The following SEPTIN9 variants were observed in gnomAD, a reference collection of about 807,000 sequenced individuals.
SEPTIN9 encodes the protein septin-9.
Under a neutral mutation model 56.6 loss-of-function variants are expected in SEPTIN9, and 13 were observed. The observed-to-expected ratio is 0.23, with a 90% CI of 0.15 to 0.37. The LOEUF is 0.37. SEPTIN9 is among the 10% of genes least tolerant of loss of function. SEPTIN9 has a pLI of 1.00. For missense variants in SEPTIN9, 650 were observed against 823.1 expected (o/e 0.79, Z 2.57); for synonymous variants, 332 against 334.1 (o/e 0.99, Z 0.07).
At chr17:77,363,820 G>A (rs1294486613) in intron 2 of SEPTIN9, among the ~76,000 whole-genome samples, 1 of 152,142 alleles carries the variant, frequency 6.6e-6, no homozygotes. Flanking sequence ...AGCAGCCTTA[G>A]GAGTCCCCAG....
At chr17:77,395,524 C>CT (rs1420905686) in intron 2 of SEPTIN9, among the ~76,000 whole-genome samples, 4 of 104,034 alleles carry the variant, frequency 3.8e-5, no homozygotes, top group Admixed American at 9.2e-5. Flanking sequence ...GCGAGACTGT[C>CT]TCAAAAAAAA....
At position 77,475,207 on chromosome 17, in the gene SEPTIN9, G is replaced by GC. The variant is rs1426486778; in HGVS notation, c.722-6937_722-6936insC. 1.6e-6 allele frequency: 2 copies of GC among 1,237,608 alleles called. No individual in the cohort carries two copies. The highest frequency in any genetic ancestry group is 4.0e-5 in the Admixed American group (1 of 25,252). The allele number at this position is 1,237,608 out of a possible 1,614,324, so 76.7% of individuals were successfully genotyped here. A position where few individuals can be genotyped will look rare whatever the true frequency, so the allele number is the denominator to read the frequency against. ...TGGCTTCACAAACCCTGTGTGGGGG[G>GC]GTTGTGGTGAGAGGAAACCGCACAC... On this transcript the variant is annotated intron_variant, in intron 3 of 11. Coordinates refer to ENST00000427177, the MANE Select transcript of SEPTIN9 (RefSeq NM_001113491.2). This position sits in a 1 kb window ranked among gnomAD's most constrained non-coding sequence, Gnocchi z 4.6.
At chr17:77,328,035 ATCCCCATGCCCAGGGTT>A (rs1186703541) in intron 2 of SEPTIN9, among the ~76,000 whole-genome samples, 1 of 144,342 alleles carries the variant, frequency 6.9e-6, no homozygotes, top group African/African-American at 2.6e-5. Flanking sequence ...TATCCAGGGC[ATCCCCATGCCCAGGGTT>A]TCCCCGTGCC....
chr17:77,498,575 T>C lies in SEPTIN9; in HGVS notation c.1678T>C (p.Tyr560His). The C allele has an allele frequency of 6.3e-7, 1 of 1,584,156 alleles. No individual in the cohort carries two copies. Among genetic ancestry groups the C allele is most frequent in the Non-Finnish European group, 8.6e-7 (1 of 1,165,870 alleles). The change falls in exon 12 of 12, where the codon TAC becomes CAC. Residue 560 changes from tyrosine (Y) to histidine (H), a missense_variant. By Grantham distance (83) the Tyr-to-His change is moderately conservative (BLOSUM62 2). Transcript: ENST00000427177. ...DITSSIHFEA[Y>H]RVKRLNEGSS... ...CACCAGCAGCATCCACTTCGAGGCG[T>C]ACCGTGTGAAGCGCCTCAACGAGGG... is the stretch of plus-strand genomic sequence containing the variant.
intron 3 of SEPTIN9, among the ~76,000 whole-genome samples, chr17:77,432,853 C>T (rs113139432): frequency 4.6e-5 from 7 of 152,280 alleles, no homozygotes; most frequent in Admixed American, 2.6e-4. Context: ...GACTTGTGAG[C>T]TGTGGCCTGA....
At chr17:77,303,509 C>T (rs1334856920) in intron 1 of SEPTIN9, among the ~76,000 whole-genome samples, 4 of 151,270 alleles carry the variant, frequency 2.6e-5, no homozygotes, top group Non-Finnish European at 4.4e-5. Flanking sequence ...GAGGTCAGTT[C>T]GAGACCAGCC....
At chr17:77,464,242 A>G (rs752938951) in intron 3 of SEPTIN9, among the ~76,000 whole-genome samples, 1 of 151,926 alleles carries the variant, frequency 6.6e-6, no homozygotes, top group Non-Finnish European at 1.5e-5. Context: ...ACACGTGGCT[A>G]ATTTTTTGTA....
At chr17:77,497,116 C>A in intron 10 of SEPTIN9, 199 bp from the exon 11 acceptor site, 1 of 654,910 alleles carries the variant, frequency 1.5e-6, no homozygotes, top group Non-Finnish European at 2.8e-6. Context: ...GCTGGTCACT[C>A]CAGTATCCCC....
chr17:77,312,731 C>T (rs537926670), intron 2 of SEPTIN9, among the ~76,000 whole-genome samples: 1 of 152,224 alleles, frequency 6.6e-6, no homozygotes, highest in Non-Finnish European at 1.5e-5. Flanking sequence ...TAAAGAGTAG[C>T]ATTTCTCCGT....
intron 4 of SEPTIN9, chr17:77,483,222 C>T (rs1204178473): frequency 1.3e-5 from 2 of 148,210 alleles, no homozygotes; most frequent in Non-Finnish European, 2.9e-5. Context: ...CCTTCCTGCC[C>T]AGCTCTGTGG....
At chr17:77,491,855 T>C (rs2040044798) in intron 8 of SEPTIN9, among the ~76,000 whole-genome samples, 1 of 147,794 alleles carries the variant, frequency 6.8e-6, no homozygotes, top group South Asian at 2.2e-4. Context: ...CTCTGCCACC[T>C]TCTTCTCCGC....
chr17:77,308,864 T>C (rs2032370889), intron 2 of SEPTIN9, among the ~76,000 whole-genome samples: 2 of 152,218 alleles, frequency 1.3e-5, no homozygotes, highest in African/African-American at 4.8e-5. Flanking sequence ...GTGTCCACAT[T>C]GAGTGCATGT....
rs924519416 is a variant in SEPTIN9, at chr17:77,492,557, A to G, written c.1381-64A>G. Reference sequence around the variant, plus strand: ...CACACAGTGTGGAGGTCATGTGGCAAACACCAGTGGGTGGGTAGAGCTTGC... The same window carrying G: ...CACACAGTGTGGAGGTCATGTGGCAGACACCAGTGGGTGGGTAGAGCTTGC... On this transcript the variant is annotated intron_variant, in intron 8 of 11. Coordinates refer to ENST00000427177, the MANE Select transcript of SEPTIN9 (RefSeq NM_001113491.2). The surrounding 1 kb of genome is among the most constrained non-coding windows in gnomAD (Gnocchi z 5.4). The G allele has an allele frequency of 7.5e-6, 11 of 1,470,080 alleles. No individual in the cohort carries two copies. Among genetic ancestry groups the G allele is most frequent in the East Asian group, 2.3e-5 (1 of 44,180 alleles). The allele number at this position is 1,470,080 out of a possible 1,614,324, so 91.1% of individuals were successfully genotyped here.
At chr17:77,372,396 G>A (rs950960227) in intron 2 of SEPTIN9, among the ~76,000 whole-genome samples, 5 of 151,490 alleles carry the variant, frequency 3.3e-5, no homozygotes, top group African/African-American at 1.2e-4. Context: ...CTGCCTTGTG[G>A]ATGATATAGT....
intron 2 of SEPTIN9, among the ~76,000 whole-genome samples, chr17:77,387,251 C>T (rs1281446648): frequency 1.3e-5 from 2 of 152,258 alleles, no homozygotes; most frequent in Non-Finnish European, 2.9e-5. Context: ...CTGGTGGCTC[C>T]CGGGTGCTCC....
intron 1 of SEPTIN9, among the ~76,000 whole-genome samples, chr17:77,301,394 TTGTGTGTGTGTGTGTGTGTGTGTG>T (rs56947697): frequency 2.8e-5 from 4 of 142,410 alleles, no homozygotes; most frequent in African/African-American, 1.1e-4. Context: ...GGGAATAGAT[TTGTGTGTGTGTGTGTGTGTGTGTG>T]TGTGTGTGTG....
At chr17:77,287,993 G>C in intron 1 of SEPTIN9, 1 of 1,058,480 alleles carries the variant, frequency 9.4e-7, no homozygotes. Flanking sequence ...AGTGGCCTTT[G>C]TGTCTGGGTG....
intron 7 of SEPTIN9, among the ~76,000 whole-genome samples, chr17:77,489,900 C>A (rs1230786132): frequency 6.6e-6 from 1 of 152,204 alleles, no homozygotes; most frequent in Non-Finnish European, 1.5e-5. Context: ...GGCAGCTGTT[C>A]CAGCTGCTCC....
At chr17:77,418,772 G>T (rs900909753) in intron 3 of SEPTIN9, among the ~76,000 whole-genome samples, 2 of 152,286 alleles carry the variant, frequency 1.3e-5, no homozygotes, top group East Asian at 1.9e-4. Flanking sequence ...AGCTGGTGAC[G>T]GGGGACCTTT....
Sources: gnomAD v4.1 joint callset for allele counts (sites outside exome capture counted in the v4.1 genomes callset) on GRCh38, gnomAD v4.1.1 for gene constraint, Gnocchi (gnomAD v3.1) non-coding constraint, MANE v1.5 for transcripts, NCBI Gene and HGNC (gene_info 2026-07-23, HGNC 2026-07-21) for gene names.